The following ADAM22 variants were observed in gnomAD, a reference collection of about 807,000 sequenced individuals.
ADAM22 encodes the protein disintegrin and metalloproteinase domain-containing protein 22.
A neutral mutation model predicts 144.6 loss-of-function variants in ADAM22; 65 were observed. The ratio of observed to expected loss-of-function variants is 0.45; its 90% CI spans 0.37 to 0.55. ADAM22 has a LOEUF of 0.55. Among genes scored for constraint, ADAM22 ranks in the 20% least tolerant of loss-of-function variants. The probability of loss-of-function intolerance (pLI) is 0.00; values close to 1 mark genes in which losing one functional copy is unlikely to be tolerated. For missense variants in ADAM22, 974 were observed against 1,184.9 expected (o/e 0.82, Z 2.61); for synonymous variants, 391 against 412.6 (o/e 0.95, Z 0.63).
chr7:88,101,034 C>T (rs550092158), intron 4 of ADAM22, among the ~76,000 whole-genome samples: 3 of 150,572 alleles, frequency 2.0e-5, no homozygotes, highest in Non-Finnish European at 4.4e-5. Flanking sequence ...AAGGACAGGC[C>T]GTTAGTTCCT....
chr7:88,170,982 G>C (rs1844181535), intron 25 of ADAM22, among the ~76,000 whole-genome samples: 2 of 152,002 alleles, frequency 1.3e-5, no homozygotes, highest in East Asian at 3.9e-4. Context: ...GCTTCAGCGA[G>C]TAAGTAGTAA....
chr7:88,192,196 TG>T, intron 30 of ADAM22, among the ~76,000 whole-genome samples: 1 of 152,146 alleles, frequency 6.6e-6, no homozygotes. Context: ...CAGTTCAATG[TG>T]GGTTTTTACC....
At chr7:88,061,368 T>A (rs1809808649) in intron 3 of ADAM22, among the ~76,000 whole-genome samples, 1 of 152,230 alleles carries the variant, frequency 6.6e-6, no homozygotes, top group Admixed American at 6.5e-5. Context: ...GTTTTCAATT[T>A]ACTTTGCCCA....
Position 88,145,112 on chromosome 7 carries a change from G to T in ADAM22, c.1321-13G>T. ...TTTCTATATTTTAGTTCACTTTTTG[G>T]TTTTCCTCACAGCTTCTTGATCCTC... On this transcript the variant is annotated splice_polypyrimidine_tract_variant and intron_variant, in intron 15 of 31. Coordinates refer to ENST00000413139, the MANE Select transcript of ADAM22 (RefSeq NM_001324418.2). 1 of 1,609,716 alleles carries T rather than the reference G, an allele frequency of 6.2e-7. No individual in the cohort carries two copies. Among genetic ancestry groups the T allele is most frequent in the Non-Finnish European group, 8.5e-7 (1 of 1,178,860 alleles).
At chr7:87,951,350 C>G (rs1421977319) in intron 2 of ADAM22, among the ~76,000 whole-genome samples, 1 of 127,692 alleles carries the variant, frequency 7.8e-6, no homozygotes, top group Non-Finnish European at 1.6e-5. Context: ...TTTCAGCTTT[C>G]TACATATGGC....
chr7:88,031,962 T>A (rs1800374895), intron 3 of ADAM22, among the ~76,000 whole-genome samples: 1 of 152,232 alleles, frequency 6.6e-6, no homozygotes, highest in African/African-American at 2.4e-5. Flanking sequence ...GAGCAAGAGT[T>A]GAGGCTTGGG....
intron 3 of ADAM22, among the ~76,000 whole-genome samples, chr7:87,993,045 T>C (rs1790276349): frequency 6.6e-6 from 1 of 152,154 alleles, no homozygotes; most frequent in African/African-American, 2.4e-5. Context: ...GAAGAGAGGA[T>C]CACTGACCAA....
At chr7:87,983,107 G>A (rs1854102263) in intron 3 of ADAM22, among the ~76,000 whole-genome samples, 1 of 151,998 alleles carries the variant, frequency 6.6e-6, no homozygotes, top group South Asian at 2.1e-4. Context: ...TGTTTTAATA[G>A]CTAGTATGGA....
chr7:87,934,908 G>T (rs748993375), intron 1 of ADAM22, 118 bp from the exon 2 acceptor site: 2 of 1,418,454 alleles, frequency 1.4e-6, no homozygotes, highest in Non-Finnish European at 2.0e-6. Flanking sequence ...CCGAGAGGGA[G>T]GGGGCGGTGG....
intron 19 of ADAM22, 39 bp from the exon 20 acceptor site, chr7:88,151,218 A>G: frequency 6.2e-7 from 1 of 1,611,604 alleles, no homozygotes; most frequent in South Asian, 1.1e-5. Context: ...ACATAAGCAG[A>G]TATTGCATCG....
chr7:88,072,806 T>C (rs1211473427), intron 3 of ADAM22, among the ~76,000 whole-genome samples: 1 of 152,218 alleles, frequency 6.6e-6, no homozygotes, highest in African/African-American at 2.4e-5. Flanking sequence ...GGGAAGTTTT[T>C]AAGACTGATA....
At chr7:87,989,847 T>C (rs918159997) in intron 3 of ADAM22, among the ~76,000 whole-genome samples, 5 of 151,634 alleles carry the variant, frequency 3.3e-5, no homozygotes, top group African/African-American at 9.7e-5. Flanking sequence ...ACCTGGGAGG[T>C]GGAGTTTGCA....
At chr7:87,995,320 C>G (rs998722410) in intron 3 of ADAM22, among the ~76,000 whole-genome samples, 1 of 152,306 alleles carries the variant, frequency 6.6e-6, no homozygotes, top group African/African-American at 2.4e-5. Flanking sequence ...AAAGCTAACA[C>G]AGGCCATAAA....
chr7:88,085,527 A>C (rs965778409), intron 4 of ADAM22, among the ~76,000 whole-genome samples: 7 of 152,326 alleles, frequency 4.6e-5, no homozygotes, highest in African/African-American at 1.7e-4. Flanking sequence ...CAGCCTGGGT[A>C]ACATAGCAAG....
At chr7:87,990,686 A>C (rs1022450376) in intron 3 of ADAM22, among the ~76,000 whole-genome samples, 19 of 151,672 alleles carry the variant, frequency 1.3e-4, no homozygotes, top group African/African-American at 4.6e-4. Context: ...TTTTTGAGAT[A>C]GAGTCTTGCT....
chr7:88,098,204 G>A (rs1001305387), intron 4 of ADAM22, among the ~76,000 whole-genome samples: 2 of 152,112 alleles, frequency 1.3e-5, no homozygotes, highest in Non-Finnish European at 2.9e-5. Context: ...TTGCCATATT[G>A]TGTAAAAATA....
At chr7:88,107,779 A>G (rs1314046311) in intron 4 of ADAM22, among the ~76,000 whole-genome samples, 3 of 149,868 alleles carry the variant, frequency 2.0e-5, no homozygotes, top group Admixed American at 1.3e-4. Context: ...TTTTGTAGAG[A>G]CAGGGTCTTG....
At chr7:87,994,165 CT>C (rs1163356524) in intron 3 of ADAM22, among the ~76,000 whole-genome samples, 206 of 143,252 alleles carry the variant, frequency 1.4e-3, no homozygotes, top group Admixed American at 1.9e-3. Context: ...ACTGTCATTC[CT>C]TTTTTTTTTT....
At chr7:88,093,709 G>A (rs1017534781) in intron 4 of ADAM22, among the ~76,000 whole-genome samples, 3 of 151,962 alleles carry the variant, frequency 2.0e-5, no homozygotes, top group Non-Finnish European at 4.4e-5. Context: ...ATCATGCCCG[G>A]CTAATTTTTG....
Sources: gnomAD v4.1 joint callset for allele counts (sites outside exome capture counted in the v4.1 genomes callset) on GRCh38, gnomAD v4.1.1 for gene constraint, MANE v1.5 for transcripts, NCBI Gene and HGNC (gene_info 2026-07-23, HGNC 2026-07-21) for gene names.